PITPNC1: variants seen among roughly 807,000 people sequenced by gnomAD.
PITPNC1 encodes the protein cytoplasmic phosphatidylinositol transfer protein 1.
PITPNC1 carries 18 observed loss-of-function variants against 44.7 expected under a neutral mutation model. That is an observed-to-expected ratio of 0.40 (90% CI 0.28 to 0.60). The LOEUF is 0.60. PITPNC1 is among the 20% of genes least tolerant of loss of function. The pLI, the probability that PITPNC1 is intolerant of heterozygous loss-of-function variation, is 0.39. For missense variants in PITPNC1, 290 were observed against 418.4 expected, an observed-to-expected ratio of 0.69 and a Z score of 2.68; for synonymous variants, 141 against 149.6, an observed-to-expected ratio of 0.94 and a Z score of 0.42.
At chr17:67,610,052 G>T (rs535314014) in intron 5 of PITPNC1, among the ~76,000 whole-genome samples, 6 of 152,248 alleles carry the variant, frequency 3.9e-5, no homozygotes, top group African/African-American at 1.4e-4. Flanking sequence ...AAGACCTTCT[G>T]TCGCCCGGCC....
At chr17:67,390,104 T>C (rs1178065720) in intron 1 of PITPNC1, among the ~76,000 whole-genome samples, 2 of 152,066 alleles carry the variant, frequency 1.3e-5, no homozygotes, top group Non-Finnish European at 2.9e-5. Context: ...TCTGTGTAAA[T>C]TGAAAAGTTA....
intron 1 of PITPNC1, among the ~76,000 whole-genome samples, chr17:67,468,777 AC>A (rs1205076107): frequency 2.0e-5 from 3 of 146,888 alleles, no homozygotes; most frequent in East Asian, 4.0e-4. Context: ...GCTCACTGCA[AC>A]CTCTGCCTCC....
intron 1 of PITPNC1, among the ~76,000 whole-genome samples, chr17:67,387,446 A>G (rs924488869): frequency 6.6e-6 from 1 of 152,138 alleles, no homozygotes; most frequent in African/African-American, 2.4e-5. Flanking sequence ...CAGACGGGTC[A>G]CTTGAGGTCG....
At chr17:67,424,588 C>T (rs1156633493) in intron 1 of PITPNC1, among the ~76,000 whole-genome samples, 2 of 151,848 alleles carry the variant, frequency 1.3e-5, no homozygotes, top group African/African-American at 4.8e-5. Flanking sequence ...ACCTGGGAGG[C>T]GAAGGTTGCA....
chr17:67,667,153 C>T (rs1334229207), intron 6 of PITPNC1, among the ~76,000 whole-genome samples: 2 of 152,166 alleles, frequency 1.3e-5, no homozygotes, highest in African/African-American at 4.8e-5. Flanking sequence ...TGGGGTCCAA[C>T]ATCCCCGTGA....
At chr17:67,462,041 A>G (rs536984457) in intron 1 of PITPNC1, among the ~76,000 whole-genome samples, 39 of 151,940 alleles carry the variant, frequency 2.6e-4, no homozygotes, top group South Asian at 1.5e-3. Flanking sequence ...GTAATGTCCC[A>G]TTTGCTTTCA....
At position 67,406,672 on chromosome 17, in the gene PITPNC1, C is replaced by T. The variant is rs1001355991; in HGVS notation, c.48+28470C>T. ...TGCGATCTCAGCCCACTGCAGCATC[C>T]GCCTCCCAGGTTCAAGCGATCCTCC... On this transcript the variant is annotated intron_variant, in intron 1 of 8. Coordinates refer to ENST00000581322, the MANE Select transcript of PITPNC1 (RefSeq NM_012417.4). Among the ~76,000 whole-genome samples, 48 of 151,178 alleles carry T rather than the reference C, an allele frequency of 3.2e-4. 1 individual carries two copies. Among genetic ancestry groups the T allele is most frequent in the Admixed American group, 1.7e-3 (25 of 15,146 alleles).
intron 4 of PITPNC1, among the ~76,000 whole-genome samples, chr17:67,572,798 G>C (rs1436369138): frequency 6.2e-5 from 3 of 48,770 alleles, no homozygotes; most frequent in Non-Finnish European, 1.0e-4. Flanking sequence ...TCCAGGGAAG[G>C]GGGAGTGGAC....
chr17:67,539,085 T>C (rs889286591), intron 2 of PITPNC1, among the ~76,000 whole-genome samples: 1 of 152,024 alleles, frequency 6.6e-6, no homozygotes, highest in Non-Finnish European at 1.5e-5. Context: ...TCCCACCTTA[T>C]TGGAAAACAC....
chr17:67,453,902 T>A (rs2039219177), intron 1 of PITPNC1, among the ~76,000 whole-genome samples: 1 of 152,188 alleles, frequency 6.6e-6, no homozygotes, highest in South Asian at 2.1e-4. Flanking sequence ...ATGTACTGGC[T>A]TGATTTGCCC....
intron 5 of PITPNC1, among the ~76,000 whole-genome samples, chr17:67,631,657 A>AATATATATATATAT (rs1555574521): frequency 0.017 from 132 of 7,668 alleles, 9 homozygotes; most frequent in African/African-American, 0.032. Flanking sequence ...AAAAAAAAAA[A>AATATATATATATAT]ATATATATAT....
At chr17:67,512,123 G>A (rs2040191726) in intron 1 of PITPNC1, among the ~76,000 whole-genome samples, 1 of 152,186 alleles carries the variant, frequency 6.6e-6, no homozygotes, top group Admixed American at 6.5e-5. Flanking sequence ...AACTTGGGGT[G>A]AGAAAGATCC....
rs180993420 is a variant in PITPNC1, at chr17:67,476,413, C to T, written c.49-56389C>T. On this transcript the variant is annotated intron_variant, in intron 1 of 8. Coordinates refer to ENST00000581322, the MANE Select transcript of PITPNC1 (RefSeq NM_012417.4). Reference sequence around the variant, plus strand: ...TGTTGGCCAGGCTGGTCTTGAACTCCTGACCTCAGGTAATTCACCCGCCTT... The same window carrying T: ...TGTTGGCCAGGCTGGTCTTGAACTCTTGACCTCAGGTAATTCACCCGCCTT... 4.6e-5 allele frequency among the ~76,000 whole-genome samples: 7 copies of T among 152,196 alleles called. No homozygotes were observed. The East Asian group carries it at 1.4e-3, about 29-fold the overall frequency.
chr17:67,387,206 G>T (rs2038067802), intron 1 of PITPNC1, among the ~76,000 whole-genome samples: 1 of 152,316 alleles, frequency 6.6e-6, no homozygotes, highest in East Asian at 1.9e-4. Context: ...GTGATGGCCT[G>T]CAACTGACCA....
chr17:67,670,127 G>A (rs552420003), intron 7 of PITPNC1, among the ~76,000 whole-genome samples: 1 of 152,184 alleles, frequency 6.6e-6, no homozygotes, highest in South Asian at 2.1e-4. Context: ...CTTTTTGGAT[G>A]AAAATGCATT....
intron 1 of PITPNC1, among the ~76,000 whole-genome samples, chr17:67,483,596 G>A: frequency 6.6e-6 from 1 of 152,114 alleles, no homozygotes; most frequent in East Asian, 1.9e-4. Flanking sequence ...GCAGTGTTTT[G>A]GAAAATGTTT....
At chr17:67,623,556 T>A (rs2041859952) in intron 5 of PITPNC1, among the ~76,000 whole-genome samples, 1 of 152,172 alleles carries the variant, frequency 6.6e-6, no homozygotes. Flanking sequence ...AGCTAATTTC[T>A]GTATTTTTGT....
At chr17:67,543,937 G>A (rs867163722) in intron 2 of PITPNC1, among the ~76,000 whole-genome samples, 3 of 152,208 alleles carry the variant, frequency 2.0e-5, no homozygotes, top group South Asian at 2.1e-4. Flanking sequence ...TGCAACCTCC[G>A]CCTCCCAGGT....
chr17:67,533,235 G>A (rs541391936), intron 2 of PITPNC1, among the ~76,000 whole-genome samples: 57 of 152,204 alleles, frequency 3.7e-4, no homozygotes, highest in Non-Finnish European at 6.5e-4. Context: ...ACTCCAGCCT[G>A]GGGTGACAGA....
Sources: allele counts gnomAD v4.1 joint callset (sites outside exome capture counted in the v4.1 genomes callset), GRCh38; gene constraint gnomAD v4.1.1; transcripts MANE v1.5; gene names NCBI Gene and HGNC (gene_info 2026-07-23, HGNC 2026-07-21).